ZBTB20: variants seen among roughly 807,000 people sequenced by gnomAD.
ZBTB20 encodes the protein zinc finger and BTB domain-containing protein 20.
A neutral mutation model predicts 56.9 loss-of-function variants in ZBTB20; 9 were observed. That is an observed-to-expected ratio of 0.16 (90% CI 0.10 to 0.28). The LOEUF is 0.28. Ranked by LOEUF, ZBTB20 falls within the 10% of genes least tolerant of loss-of-function variation. ZBTB20 has a pLI of 1.00. For synonymous variants in ZBTB20, 417 were observed against 420.7 expected (o/e 0.99, Z 0.11); for missense variants, 655 against 1,003.0 (o/e 0.65, Z 4.69).
intron 6 of ZBTB20, among the ~76,000 whole-genome samples, chr3:114,500,939 T>C (rs2043875293): frequency 6.6e-6 from 1 of 152,208 alleles, no homozygotes; most frequent in Non-Finnish European, 1.5e-5. Context: ...AGCTTTACTA[T>C]ACAGTACATG....
At chr3:114,594,266 CTTTTTTT>C (rs1001656979) in intron 6 of ZBTB20, among the ~76,000 whole-genome samples, 2 of 132,312 alleles carry the variant, frequency 1.5e-5, no homozygotes, top group South Asian at 2.4e-4. Context: ...TTCTCATATT[CTTTTTTT>C]TTTTTTTTTT....
chr3:114,390,832 A>C (rs1197606316), intron 7 of ZBTB20, among the ~76,000 whole-genome samples: 9 of 152,218 alleles, frequency 5.9e-5, no homozygotes, highest in Admixed American at 5.9e-4. Context: ...ATCGCCATCA[A>C]ATACTACACA....
chr3:114,783,116 T>G (rs557495417), intron 5 of ZBTB20, among the ~76,000 whole-genome samples: 17 of 152,244 alleles, frequency 1.1e-4, no homozygotes, highest in Admixed American at 3.3e-4. Context: ...CAGAATAAAG[T>G]CTCTGCATAA....
At chr3:114,629,630 A>G (rs1201909053) in intron 6 of ZBTB20, among the ~76,000 whole-genome samples, 4 of 152,188 alleles carry the variant, frequency 2.6e-5, no homozygotes, top group Non-Finnish European at 5.9e-5. Flanking sequence ...GATAAGGCAC[A>G]TTGTACCAAT....
intron 6 of ZBTB20, among the ~76,000 whole-genome samples, chr3:114,503,847 T>C (rs991868954): frequency 1.1e-4 from 16 of 152,114 alleles, no homozygotes; most frequent in African/African-American, 3.9e-4. Flanking sequence ...AACTTTAAAG[T>C]CAATTCTAGT....
chr3:115,030,595 GACAA>G (rs897411856), intron 2 of ZBTB20, among the ~76,000 whole-genome samples: 7 of 150,926 alleles, frequency 4.6e-5, no homozygotes, highest in Non-Finnish European at 8.9e-5. Context: ...TCAATAGGGA[GACAA>G]ACAACACAAG....
At chr3:114,462,794 G>T (rs1172167640) in intron 7 of ZBTB20, among the ~76,000 whole-genome samples, 3 of 152,154 alleles carry the variant, frequency 2.0e-5, no homozygotes, top group African/African-American at 7.2e-5. Context: ...TCTGAGTAAT[G>T]AAAATTTGCA....
At chr3:114,741,074 C>T (rs1037230259) in intron 5 of ZBTB20, among the ~76,000 whole-genome samples, 1 of 152,136 alleles carries the variant, frequency 6.6e-6, no homozygotes, top group Admixed American at 6.6e-5. Flanking sequence ...TCCCTATTTC[C>T]TACGGTTACC....
At chr3:114,911,746 G>T (rs1005342696) in intron 3 of ZBTB20, among the ~76,000 whole-genome samples, 3 of 151,728 alleles carry the variant, frequency 2.0e-5, no homozygotes, top group Non-Finnish European at 4.4e-5. Flanking sequence ...GACTGAAAAA[G>T]CATGATGAAA....
At chr3:114,543,053 T>C (rs1374902935) in intron 6 of ZBTB20, among the ~76,000 whole-genome samples, 1 of 152,030 alleles carries the variant, frequency 6.6e-6, no homozygotes, top group Non-Finnish European at 1.5e-5. Context: ...GAGGGACTGA[T>C]TCCAGGACCC....
intron 1 of ZBTB20, among the ~76,000 whole-genome samples, chr3:115,139,108 A>G (rs1438547804): frequency 6.6e-6 from 1 of 152,078 alleles, no homozygotes; most frequent in Non-Finnish European, 1.5e-5. Context: ...ATAGCTTACC[A>G]TCATCTAACA....
intron 7 of ZBTB20, among the ~76,000 whole-genome samples, chr3:114,425,417 C>T (rs2089559106): frequency 6.6e-6 from 1 of 152,158 alleles, no homozygotes; most frequent in Non-Finnish European, 1.5e-5. Context: ...CTCCTTTTCC[C>T]AATACACAAA....
chr3:114,817,128 C>T (rs757212725), intron 4 of ZBTB20, among the ~76,000 whole-genome samples: 9 of 151,976 alleles, frequency 5.9e-5, no homozygotes, highest in Non-Finnish European at 1.0e-4. Context: ...GAATATGACT[C>T]CGTGTGTGTG....
chr3:114,894,365 A>ATG (rs969559857), intron 4 of ZBTB20, among the ~76,000 whole-genome samples: 10 of 152,158 alleles, frequency 6.6e-5, no homozygotes, highest in African/African-American at 1.4e-4. Context: ...AAATGTGCAT[A>ATG]TGTATATATA....
In ZBTB20 at chr3:114,781,924, G is replaced by A. The variant is rs899919125; in HGVS notation, c.-343+19177C>T. Among the ~76,000 whole-genome samples the A allele has an allele frequency of 3.3e-5, 5 of 152,184 alleles. No homozygotes were observed. In the East Asian group the frequency reaches 7.7e-4, roughly 23 times the overall value. ...ATGATTGTGAGGTCTACCCAGCCAC[G>A]TGAAACTGTGAGTCCATTAAACCTT... On this transcript the variant is annotated intron_variant, in intron 5 of 11. Transcript: ENST00000675478.
intron 6 of ZBTB20, among the ~76,000 whole-genome samples, chr3:114,667,330 A>G (rs2061117317): frequency 6.6e-6 from 1 of 152,064 alleles, no homozygotes; most frequent in African/African-American, 2.4e-5. Flanking sequence ...CTAGAAACAC[A>G]AGTGTTATTA....
At chr3:114,717,946 T>C (rs1310394777) in intron 5 of ZBTB20, among the ~76,000 whole-genome samples, 3 of 152,164 alleles carry the variant, frequency 2.0e-5, no homozygotes, top group Admixed American at 2.0e-4. Context: ...TAAGCCTATT[T>C]AAGCCTCATC....
At chr3:114,535,537 T>G (rs577802239) in intron 6 of ZBTB20, among the ~76,000 whole-genome samples, 1 of 152,156 alleles carries the variant, frequency 6.6e-6, no homozygotes, top group African/African-American at 2.4e-5. Flanking sequence ...ACCAGACGAA[T>G]TCACAGCTGA....
At position 114,338,998 on chromosome 3, in the gene ZBTB20, A is replaced by ATACT. The variant is rs1339420964; in HGVS notation, c.*3_*6dup. On this transcript the variant is annotated 3_prime_UTR_variant, in exon 12 of 12. Transcript: ENST00000675478. ...TTTTGTTCATAAGAAAGAGAGAAAG[A>ATACT]TACTACTTATCCGTCAGACACATGC... 2 of 1,500,002 alleles carry ATACT rather than the reference A, an allele frequency of 1.3e-6. No individual in the cohort carries two copies. The highest frequency in any genetic ancestry group is 2.8e-5 in the African/African-American group (2 of 71,442). 92.9% of individuals were successfully genotyped at this position (1,500,002 alleles called of 1,614,324 possible).
Sources: gnomAD v4.1 joint callset for allele counts (sites outside exome capture counted in the v4.1 genomes callset) on GRCh38, gnomAD v4.1.1 for gene constraint, MANE v1.5 for transcripts, NCBI Gene and HGNC (gene_info 2026-07-23, HGNC 2026-07-21) for gene names.